The following ABCA5 variants were observed in gnomAD, a reference collection of about 807,000 sequenced individuals.
The protein encoded by ABCA5 is ATP binding cassette subfamily A member 5, also known as cholesterol transporter ABCA5.
Under a neutral mutation model 206.0 loss-of-function variants are expected in ABCA5, and 163 were observed. The observed-to-expected ratio is 0.79, with a 90% CI of 0.70 to 0.90. The LOEUF (loss-of-function observed/expected upper bound fraction) is 0.90, where lower values mean the gene tolerates loss of function less well. Ranked by LOEUF, ABCA5 falls within the 40% of genes least tolerant of loss-of-function variation. The pLI is 0.00. For synonymous variants in ABCA5, 609 were observed against 613.8 expected, an observed-to-expected ratio of 0.99 and a Z score of 0.11; for missense variants, 1,859 against 1,912.9, an observed-to-expected ratio of 0.97 and a Z score of 0.53.
intron 12 of ABCA5, 34 bp from the exon 13 acceptor site, chr17:69,290,071 AT>A: frequency 7.4e-7 from 1 of 1,350,326 alleles, no homozygotes. Context: ...ATGTACATTA[AT>A]TATTTTATAA....
chr17:69,284,109 G>T, intron 17 of ABCA5, 37 bp from the exon 18 acceptor site: 2 of 1,438,198 alleles, frequency 1.4e-6, no homozygotes, highest in Non-Finnish European at 1.8e-6. Flanking sequence ...ATATCTTTAA[G>T]CATATTATCA....
chr17:69,270,624 G>A lies in ABCA5; in HGVS notation c.3019C>T (p.Pro1007Ser). Residue 1007 changes from proline to serine, a missense_variant, in exon 22 of 39, where the codon CCA (proline) becomes TCA (serine). Transcript: ENST00000392676. ...ATACATTGGCTTACTTGAAAGAATG[G>A]GGTACTCCAGATCTGGATGGTTTCA... ...VTETIQIWSTPFFQEITDIVF... is the reference protein window; with the variant it reads ...VTETIQIWSTSFFQEITDIVF... The A allele has an allele frequency of 6.3e-7, 1 of 1,587,860 alleles. No homozygotes were observed. The highest frequency in any genetic ancestry group is 1.2e-5 in the South Asian group (1 of 85,080).
chr17:69,268,386 C>T (rs761150790), intron 22 of ABCA5, among the ~76,000 whole-genome samples: 3 of 152,036 alleles, frequency 2.0e-5, no homozygotes, highest in Non-Finnish European at 4.4e-5. Flanking sequence ...ATTTGAAAAG[C>T]AGTTAGTATG....
intron 19 of ABCA5, among the ~76,000 whole-genome samples, chr17:69,274,582 G>GA (rs1036141865): frequency 2.2e-5 from 3 of 137,140 alleles, no homozygotes; most frequent in East Asian, 2.1e-4. Flanking sequence ...AAAAAACAAA[G>GA]AAAAAAAACT....
chr17:69,307,235 A>G (rs995146509), intron 5 of ABCA5, among the ~76,000 whole-genome samples: 4 of 152,176 alleles, frequency 2.6e-5, no homozygotes, highest in South Asian at 4.1e-4. Context: ...AAAATTGCAC[A>G]ATTATCATCT....
At chr17:69,316,614 A>C (rs2075819047) in intron 1 of ABCA5, among the ~76,000 whole-genome samples, 2 of 151,956 alleles carry the variant, frequency 1.3e-5, no homozygotes, top group African/African-American at 4.8e-5. Flanking sequence ...AAAAAAATTA[A>C]AGACTTAATG....
chr17:69,288,004 GACAA>G (rs1178013569), intron 14 of ABCA5, among the ~76,000 whole-genome samples: 26 of 152,206 alleles, frequency 1.7e-4, no homozygotes, highest in African/African-American at 5.3e-4. Context: ...ACAACAGTCA[GACAA>G]ACAAACTAAA....
chr17:69,292,004 A>G (rs12946566), intron 11 of ABCA5, among the ~76,000 whole-genome samples: 59,921 of 151,706 alleles, frequency 0.39, 12,681 homozygotes, highest in Middle Eastern at 0.51. Flanking sequence ...AGCTACTCGG[A>G]AGGCTGAGGT....
intron 1 of ABCA5, among the ~76,000 whole-genome samples, chr17:69,321,404 C>T (rs769770704): frequency 6.6e-6 from 1 of 152,192 alleles, no homozygotes; most frequent in East Asian, 1.9e-4. Context: ...TTTGACTTAT[C>T]AGGTGCCTTT....
intron 11 of ABCA5, among the ~76,000 whole-genome samples, chr17:69,294,067 G>C (rs1598186185): frequency 6.6e-6 from 1 of 152,240 alleles, no homozygotes; most frequent in East Asian, 1.9e-4. Flanking sequence ...TAACTAACAT[G>C]TATTGCATAT....
intron 23 of ABCA5, among the ~76,000 whole-genome samples, chr17:69,267,479 C>T (rs28496489): frequency 0.098 from 14,928 of 152,140 alleles, 790 homozygotes; most frequent in Non-Finnish European, 0.11. Context: ...CTAATGATGA[C>T]AATCACTTTC....
intron 22 of ABCA5, among the ~76,000 whole-genome samples, chr17:69,269,715 A>G (rs967700970): frequency 3.3e-5 from 5 of 152,220 alleles, no homozygotes; most frequent in African/African-American, 1.2e-4. Context: ...ATTCCACACA[A>G]TGAAATATGA....
intron 1 of ABCA5, among the ~76,000 whole-genome samples, chr17:69,320,130 T>C (rs572695290): frequency 5.3e-5 from 8 of 152,266 alleles, no homozygotes; most frequent in East Asian, 1.9e-4. Flanking sequence ...TTGATCACGA[T>C]TGTGTATAAA....
chr17:69,271,421 C>T, intron 20 of ABCA5, 132 bp from the exon 21 acceptor site: 1 of 984,762 alleles, frequency 1.0e-6, no homozygotes, highest in African/African-American at 1.7e-5. Context: ...TACATTGGCT[C>T]TGAAGCCAGT....
Position 69,247,404 on chromosome 17 carries a change from T to G in ABCA5, c.*133A>C. The G allele has an allele frequency of 1.7e-6, 1 of 600,226 alleles. No individual in the cohort carries two copies. The highest frequency in any genetic ancestry group is 2.9e-6 in the Non-Finnish European group (1 of 342,430). 37.2% of individuals were successfully genotyped at this position (600,226 alleles called of 1,614,324 possible). On this transcript the variant is annotated 3_prime_UTR_variant, in exon 39 of 39. Coordinates refer to ENST00000392676, the MANE Select transcript of ABCA5 (RefSeq NM_172232.4). The stretch of plus-strand genomic sequence containing the variant: ...AAAACACACAACCACAGCATTTCAA[T>G]TAAGGAGCTTAGAAAAATTTCAAGT...
intron 10 of ABCA5, among the ~76,000 whole-genome samples, chr17:69,295,453 T>A (rs1376559675): frequency 2.0e-5 from 3 of 152,080 alleles, no homozygotes; most frequent in Non-Finnish European, 4.4e-5. Flanking sequence ...GATGAACAGC[T>A]CACAAGGAGA....
chr17:69,259,257 C>T (rs932650910), intron 28 of ABCA5, among the ~76,000 whole-genome samples: 7 of 152,026 alleles, frequency 4.6e-5, no homozygotes. Flanking sequence ...GCCCTCCAAA[C>T]ATTATACTAA....
chr17:69,276,376 C>T (rs574381685), intron 19 of ABCA5, among the ~76,000 whole-genome samples: 7 of 152,202 alleles, frequency 4.6e-5, no homozygotes, highest in South Asian at 4.2e-4. Context: ...CTTGAGCCAC[C>T]GAGCCCAGAT....
chr17:69,276,329 C>T (rs146625786), intron 19 of ABCA5, among the ~76,000 whole-genome samples: 257 of 152,162 alleles, frequency 1.7e-3, no homozygotes, highest in African/African-American at 5.9e-3. Context: ...CCTTGTGATC[C>T]GCCTGCCTTG....
Sources: allele counts gnomAD v4.1 joint callset (sites outside exome capture counted in the v4.1 genomes callset), GRCh38; gene constraint gnomAD v4.1.1; transcripts MANE v1.5; gene names NCBI Gene and HGNC (gene_info 2026-07-23, HGNC 2026-07-21).